The following RALGAPA2 variants were observed in gnomAD, a reference collection of about 807,000 sequenced individuals.
RALGAPA2 encodes the protein ral GTPase-activating protein subunit alpha-2.
In RALGAPA2, 139 loss-of-function variants were observed where a neutral mutation model predicts 230.4. The observed-to-expected ratio is 0.60, with a 90% CI of 0.53 to 0.69. The LOEUF is 0.69. RALGAPA2 is among the 30% of genes least tolerant of loss of function. The pLI, the probability that RALGAPA2 is intolerant of heterozygous loss-of-function variation, is 0.00. For missense variants in RALGAPA2, 2,163 were observed against 2,276.0 expected (o/e 0.95, Z 1.01); for synonymous variants, 847 against 837.8 (o/e 1.01, Z -0.19).
In RALGAPA2 at chr20:20,634,718, C is replaced by T. The variant is rs75579923; in HGVS notation, c.1005+700G>A. On this transcript the variant is annotated intron_variant, in intron 9 of 39. Transcript: ENST00000202677. ...TTCTTGGGGACAATAAACAAAAGAG[C>T]ACACAACACCATGATCCCTTAGCGA... is the stretch of plus-strand genomic sequence containing the variant. 3.9e-3 allele frequency among the ~76,000 whole-genome samples: 598 copies of T among 152,328 alleles called. 1 individual carries two copies. The highest frequency in any genetic ancestry group is 8.1e-3 in the Admixed American group (124 of 15,302).
intron 23 of RALGAPA2, among the ~76,000 whole-genome samples, chr20:20,564,455 A>G (rs558146056): frequency 6.6e-6 from 1 of 152,216 alleles, no homozygotes; most frequent in Admixed American, 6.5e-5. Flanking sequence ...GCACAAGTTG[A>G]TGGTTAGTAC....
At chr20:20,583,375 G>T in intron 19 of RALGAPA2, 149 bp from the exon 20 acceptor site, 1 of 858,736 alleles carries the variant, frequency 1.2e-6, no homozygotes, top group Non-Finnish European at 1.7e-6. Context: ...CTTGAGAGGA[G>T]CTCAAAAAGT....
At chr20:20,517,436 G>A (rs1250935098) in intron 31 of RALGAPA2, among the ~76,000 whole-genome samples, 3 of 152,164 alleles carry the variant, frequency 2.0e-5, no homozygotes, top group Non-Finnish European at 4.4e-5. Flanking sequence ...CCACCATTGT[G>A]TATTGTATCT....
chr20:20,562,955 T>C (rs2064302466), intron 23 of RALGAPA2, among the ~76,000 whole-genome samples: 1 of 152,248 alleles, frequency 6.6e-6, no homozygotes, highest in Non-Finnish European at 1.5e-5. Flanking sequence ...TAAATTTTGA[T>C]GAATCTGTGG....
At chr20:20,641,000 A>G (rs2146509539) in intron 5 of RALGAPA2, 122 bp from the exon 6 acceptor site, 2 of 820,700 alleles carry the variant, frequency 2.4e-6, no homozygotes, top group South Asian at 4.0e-5. Context: ...AGTAAACCAA[A>G]TTCTTCACTT....
Position 20,417,688 on chromosome 20 carries a change from G to A in RALGAPA2, c.5496-5540C>T, listed in dbSNP as rs116880518. ...TAAACTCCTTGAGGACACCATATGA[G>A]TCAGGTTCATCAAATTTATGTCAAG... is the stretch of plus-strand genomic sequence containing the variant. On this transcript the variant is annotated intron_variant, in intron 37 of 39. Transcript: ENST00000202677. 1.4e-4 allele frequency among the ~76,000 whole-genome samples: 21 copies of A among 152,312 alleles called. No homozygotes were observed. The East Asian group carries it at 4.0e-3, about 29-fold the overall frequency.
chr20:20,577,917 T>C (rs1453869108), intron 20 of RALGAPA2, among the ~76,000 whole-genome samples: 1 of 152,082 alleles, frequency 6.6e-6, no homozygotes, highest in Admixed American at 6.6e-5. Flanking sequence ...CACTGGAGAT[T>C]TGCTTGAGTA....
At chr20:20,452,524 C>T (rs1371953705) in intron 37 of RALGAPA2, among the ~76,000 whole-genome samples, 2 of 152,210 alleles carry the variant, frequency 1.3e-5, no homozygotes, top group East Asian at 3.8e-4. Flanking sequence ...CTCCTCCCGG[C>T]GGCGAGGACA....
chr20:20,450,162 C>T (rs1301934945), intron 37 of RALGAPA2, among the ~76,000 whole-genome samples: 3 of 152,210 alleles, frequency 2.0e-5, no homozygotes, highest in African/African-American at 7.2e-5. Flanking sequence ...AGAAAAATCA[C>T]TGTGATGGAA....
chr20:20,607,949 T>C (rs2065869192), intron 14 of RALGAPA2, among the ~76,000 whole-genome samples: 1 of 152,202 alleles, frequency 6.6e-6, no homozygotes, highest in South Asian at 2.1e-4. Context: ...TGGTGGCACC[T>C]GTGGACATGA....
intron 4 of RALGAPA2, among the ~76,000 whole-genome samples, chr20:20,644,061 A>G (rs1046823919): frequency 1.3e-5 from 2 of 152,182 alleles, no homozygotes; most frequent in African/African-American, 4.8e-5. Flanking sequence ...CCAGTCAACT[A>G]CAAAAACTGG....
chr20:20,526,903 A>G (rs1310377416), intron 27 of RALGAPA2, among the ~76,000 whole-genome samples: 1 of 152,214 alleles, frequency 6.6e-6, no homozygotes, highest in African/African-American at 2.4e-5. Flanking sequence ...GTAGGAGAAG[A>G]TAACTAATGA....
intron 1 of RALGAPA2, among the ~76,000 whole-genome samples, chr20:20,710,539 G>C (rs1054161696): frequency 1.3e-5 from 2 of 152,112 alleles, no homozygotes; most frequent in African/African-American, 4.8e-5. Flanking sequence ...CACTCCACTA[G>C]TAAGTATATC....
chr20:20,648,459 T>C (rs1392963684), intron 4 of RALGAPA2, among the ~76,000 whole-genome samples: 3 of 152,308 alleles, frequency 2.0e-5, no homozygotes, highest in Non-Finnish European at 2.9e-5. Flanking sequence ...TGTATACCTA[T>C]GTCAAAACTT....
At chr20:20,395,023 G>C (rs1399322354) in intron 39 of RALGAPA2, among the ~76,000 whole-genome samples, 3 of 152,206 alleles carry the variant, frequency 2.0e-5, no homozygotes, top group African/African-American at 7.2e-5. Context: ...CTCACCCAGG[G>C]AGGATAAAGA....
chr20:20,645,308 T>G (rs1419358145), intron 4 of RALGAPA2, among the ~76,000 whole-genome samples: 1 of 151,906 alleles, frequency 6.6e-6, no homozygotes, highest in African/African-American at 2.4e-5. Context: ...GAGATGGGGT[T>G]TCACCGTGTT....
chr20:20,567,434 G>GA (rs1032491900), intron 23 of RALGAPA2, among the ~76,000 whole-genome samples: 3 of 152,178 alleles, frequency 2.0e-5, no homozygotes, highest in Admixed American at 2.0e-4. Flanking sequence ...GGCAACTGTG[G>GA]AAAGGTCTTT....
chr20:20,482,340 A>G lies in RALGAPA2; in HGVS notation c.5368-9384T>C, dbSNP rs184842711. On this transcript the variant is annotated intron_variant, in intron 36 of 39. Coordinates refer to ENST00000202677, the MANE Select transcript of RALGAPA2 (RefSeq NM_020343.4). ...ATTCAAGAAGGCAAAAGGGAAAAAA[A>G]GCTTTAGGGTGGACGCAGATAAAAT... 1.2e-3 allele frequency among the ~76,000 whole-genome samples: 183 copies of G among 152,308 alleles called. 1 individual carries two copies. The highest frequency in any genetic ancestry group is 4.1e-3 in the African/African-American group (171 of 41,580).
intron 37 of RALGAPA2, chr20:20,471,235 T>C (rs568434875): frequency 3.5e-4 from 54 of 152,196 alleles, no homozygotes; most frequent in Admixed American, 3.3e-3. Flanking sequence ...AAAAATACCA[T>C]TTTCCCTAAA....
Sources: gnomAD v4.1 joint callset for allele counts (sites outside exome capture counted in the v4.1 genomes callset) on GRCh38, gnomAD v4.1.1 for gene constraint, MANE v1.5 for transcripts, NCBI Gene and HGNC (gene_info 2026-07-23, HGNC 2026-07-21) for gene names.